TBC1D5: variants seen among roughly 807,000 people sequenced by gnomAD.
TBC1D5 encodes TBC1 domain family, member 5.
Under a neutral mutation model 100.3 loss-of-function variants are expected in TBC1D5, and 75 were observed. The ratio of observed to expected loss-of-function variants is 0.75; its 90% confidence interval spans 0.62 to 0.91. The LOEUF (loss-of-function observed/expected upper bound fraction) is 0.91. Ranked by LOEUF, TBC1D5 falls within the 40% of genes least tolerant of loss-of-function variation. TBC1D5 has a pLI of 0.00. For missense variants in TBC1D5, 910 were observed against 942.4 expected (o/e 0.97, Z 0.45); for synonymous variants, 323 against 325.6 (o/e 0.99, Z 0.09).
At chr3:17,371,325 A>ATG (rs1446259724) in intron 13 of TBC1D5, among the ~76,000 whole-genome samples, 1 of 152,220 alleles carries the variant, frequency 6.6e-6, no homozygotes, top group Non-Finnish European at 1.5e-5. Context: ...GGCTCCATGC[A>ATG]TGTACGACTC....
intron 17 of TBC1D5, among the ~76,000 whole-genome samples, chr3:17,217,636 A>G (rs1332686782): frequency 6.6e-6 from 1 of 152,108 alleles, no homozygotes; most frequent in Non-Finnish European, 1.5e-5. Context: ...GATGCTTAGC[A>G]TCTTTTCAGG....
intron 2 of TBC1D5, among the ~76,000 whole-genome samples, chr3:17,596,190 G>A (rs1344695231): frequency 6.6e-6 from 1 of 152,146 alleles, no homozygotes; most frequent in African/African-American, 2.4e-5. Flanking sequence ...GAATTCAGCA[G>A]TGGTCCTAAA....
intron 13 of TBC1D5, among the ~76,000 whole-genome samples, chr3:17,311,160 T>C (rs1205797103): frequency 6.6e-6 from 1 of 152,162 alleles, no homozygotes; most frequent in Middle Eastern, 3.4e-3. Context: ...TTTATTGCAG[T>C]TAAAAATATT....
chr3:17,397,979 T>C (rs760259094), intron 8 of TBC1D5, among the ~76,000 whole-genome samples: 4 of 152,166 alleles, frequency 2.6e-5, no homozygotes, highest in Non-Finnish European at 5.9e-5. Context: ...GCAAATGATG[T>C]TATAGATGCT....
chr3:17,677,263 G>A (rs1056014384), intron 1 of TBC1D5, among the ~76,000 whole-genome samples: 1 of 151,928 alleles, frequency 6.6e-6, no homozygotes, highest in African/African-American at 2.4e-5. Flanking sequence ...TCTGACAAAG[G>A]GCTAATATCC....
rs191234801 is a variant in TBC1D5, at chr3:17,538,189, A to T, written c.-35-29584T>A. Among the ~76,000 whole-genome samples, 154 of 152,152 alleles carry T rather than the reference A, an allele frequency of 1.0e-3. 2 individuals are homozygous for T. In the South Asian group the frequency reaches 0.018, roughly 18 times the overall value. Reference sequence around the variant, plus strand: ...GACTGTCAGGCGACCATGAGGTGATAGTCAGGTGGTTGTTAAACTGTCTCT... The same window carrying T: ...GACTGTCAGGCGACCATGAGGTGATTGTCAGGTGGTTGTTAAACTGTCTCT... On this transcript the variant is annotated intron_variant, in intron 2 of 21. Coordinates refer to ENST00000253692, the Ensembl canonical transcript of TBC1D5.
At chr3:17,438,169 C>G (rs912773073) in intron 3 of TBC1D5, among the ~76,000 whole-genome samples, 3 of 152,168 alleles carry the variant, frequency 2.0e-5, no homozygotes, top group African/African-American at 7.2e-5. Flanking sequence ...ATTGCTAATG[C>G]TGCATTTTAG....
chr3:17,596,700 CA>C (rs34625799), intron 2 of TBC1D5, among the ~76,000 whole-genome samples: 106 of 44,932 alleles, frequency 2.4e-3, no homozygotes, highest in East Asian at 3.7e-3. Context: ...GACTCCATCT[CA>C]AAAAAAAAAA....
chr3:17,646,638 T>C (rs1297047138), intron 1 of TBC1D5, among the ~76,000 whole-genome samples: 1 of 152,176 alleles, frequency 6.6e-6, no homozygotes, highest in Non-Finnish European at 1.5e-5. Flanking sequence ...TGGACTAATG[T>C]TCACGAAATA....
At chr3:17,621,028 A>G (rs2062614942) in intron 2 of TBC1D5, among the ~76,000 whole-genome samples, 1 of 152,156 alleles carries the variant, frequency 6.6e-6, no homozygotes, top group Non-Finnish European at 1.5e-5. Context: ...ACTGTTTTAG[A>G]TCTATTATTT....
intron 2 of TBC1D5, among the ~76,000 whole-genome samples, chr3:17,584,303 C>T (rs1463033861): frequency 6.6e-6 from 1 of 152,198 alleles, no homozygotes; most frequent in Non-Finnish European, 1.5e-5. Context: ...TACTCAACGC[C>T]ACGGAACTGT....
chr3:17,389,426 T>C (rs2093281153), intron 8 of TBC1D5, among the ~76,000 whole-genome samples: 1 of 152,086 alleles, frequency 6.6e-6, no homozygotes, highest in Admixed American at 6.6e-5. Flanking sequence ...TCTCAAAAAA[T>C]AAACGTGTCA....
intron 13 of TBC1D5, among the ~76,000 whole-genome samples, chr3:17,363,793 A>AT (rs1440263902): frequency 6.6e-6 from 1 of 151,758 alleles, no homozygotes. Flanking sequence ...TTGTTGTTTC[A>AT]TTTTACTGTT....
intron 2 of TBC1D5, among the ~76,000 whole-genome samples, chr3:17,514,610 T>A (rs1459475761): frequency 6.7e-6 from 1 of 150,372 alleles, no homozygotes; most frequent in Non-Finnish European, 1.5e-5. Flanking sequence ...CTGAGAAATA[T>A]GCAGAATATG....
chr3:17,255,301 A>G (rs912256425), intron 16 of TBC1D5, among the ~76,000 whole-genome samples: 1 of 152,210 alleles, frequency 6.6e-6, no homozygotes, highest in South Asian at 2.1e-4. Context: ...CCTGGGTTCC[A>G]GCGTTTCTAC....
chr3:17,572,889 C>T (rs2096636173), intron 2 of TBC1D5, among the ~76,000 whole-genome samples: 1 of 152,058 alleles, frequency 6.6e-6, no homozygotes, highest in Admixed American at 6.6e-5. Context: ...CTTATCTCTA[C>T]CTATAATCCC....
At chr3:17,402,512 A>C (rs2152423735) in intron 8 of TBC1D5, among the ~76,000 whole-genome samples, 1 of 152,234 alleles carries the variant, frequency 6.6e-6, no homozygotes, top group East Asian at 1.9e-4. Context: ...GATGATTACT[A>C]TTATCCCCAT....
At chr3:17,734,300 T>C (rs997358302) in intron 1 of TBC1D5, among the ~76,000 whole-genome samples, 1 of 152,044 alleles carries the variant, frequency 6.6e-6, no homozygotes, top group Non-Finnish European at 1.5e-5. Context: ...ATCCCATTTA[T>C]AAAAATAAAA....
intron 1 of TBC1D5, among the ~76,000 whole-genome samples, chr3:17,705,031 G>A (rs1259818762): frequency 5.6e-4 from 70 of 125,034 alleles, no homozygotes; most frequent in African/African-American, 1.4e-3. Context: ...CCCGGACGGG[G>A]CGGCTGGCCA....
Sources: gnomAD v4.1 joint callset for allele counts (sites outside exome capture counted in the v4.1 genomes callset) on GRCh38, gnomAD v4.1.1 for gene constraint, MANE v1.5 for transcripts, NCBI Gene and HGNC (gene_info 2026-07-23, HGNC 2026-07-21) for gene names.